KANSL2: variants seen among roughly 807,000 people sequenced by gnomAD.
KANSL2 encodes the protein NSL complex protein NSL2.
In KANSL2, 34 loss-of-function variants were observed where a neutral mutation model predicts 55.6. The ratio of observed to expected loss-of-function variants is 0.61; its 90% CI spans 0.46 to 0.81. The LOEUF (loss-of-function observed/expected upper bound fraction) is 0.81. KANSL2 is among the 40% of genes least tolerant of loss of function. The pLI is 0.00. For missense variants in KANSL2, 502 were observed against 609.9 expected, an observed-to-expected ratio of 0.82 and a Z score of 1.86; for synonymous variants, 209 against 214.3, an observed-to-expected ratio of 0.98 and a Z score of 0.22.
At chr12:48,654,597 G>A (rs1250843727) in intron 9 of KANSL2, 12 of 563,698 alleles carry the variant, frequency 2.1e-5, no homozygotes, top group African/African-American at 2.0e-4. Context: ...AACAATTTCA[G>A]TGATGAACTC....
intron 2 of KANSL2, chr12:48,681,118 TAAAA>T (rs1057233108): frequency 1.3e-3 from 174 of 131,224 alleles, no homozygotes; most frequent in South Asian, 4.0e-3. Context: ...CCATCTCTCT[TAAAA>T]AAAAAAAAAA....
At chr12:48,678,898 C>T (rs1939871588) in intron 4 of KANSL2, 138 bp downstream of exon 4, 6 of 582,638 alleles carry the variant, frequency 1.0e-5, no homozygotes, top group Non-Finnish European at 1.5e-5. Context: ...AACCATGCCA[C>T]TTTTATATAC....
Position 48,662,678 on chromosome 12 carries a change from G to T in KANSL2, c.974-2059C>A, listed in dbSNP as rs1349471773. On this transcript the variant is annotated intron_variant, in intron 7 of 9. Coordinates refer to ENST00000420613, the MANE Select transcript of KANSL2 (RefSeq NM_017822.4). ...CTCTGGGATAAGGACTTAAGGAAGG[G>T]TAAGTGACTTAGGCAACTATGGAGT... The T allele has an allele frequency of 2.3e-6, 3 of 1,282,200 alleles. No individual in the cohort carries two copies. In the African/African-American group the frequency reaches 4.6e-5, roughly 20 times the overall value. 79.4% of individuals were successfully genotyped at this position (1,282,200 alleles called of 1,614,324 possible). A position where few individuals can be genotyped will look rare whatever the true frequency, so the allele number is the denominator to read the frequency against.
In KANSL2 at chr12:48,679,828, G is replaced by T; in HGVS notation, c.257C>A (p.Ser86Tyr). The T allele has an allele frequency of 6.3e-7, 1 of 1,599,766 alleles. No homozygotes were observed. Among genetic ancestry groups the T allele is most frequent in the Non-Finnish European group, 8.5e-7 (1 of 1,172,822 alleles). The change falls in exon 3 of 10, where the codon TCC (serine) becomes TAC (tyrosine). Residue 86 changes from serine to tyrosine, a missense_variant. Coordinates refer to ENST00000420613, the MANE Select transcript of KANSL2 (RefSeq NM_017822.4). ...CCTACGGACATGTTCAGCACAGAAGGACACCCTGAAGAGACAAAACATTAA... is the reference window on the plus strand; with the variant it reads ...CCTACGGACATGTTCAGCACAGAAGTACACCCTGAAGAGACAAAACATTAA... Reference protein sequence around the residue: ...APKPEKKDGVSFCAEHVRRNA... With the variant: ...APKPEKKDGVYFCAEHVRRNA...
chr12:48,657,919 T>C (rs953311181), intron 8 of KANSL2, among the ~76,000 whole-genome samples: 8 of 151,872 alleles, frequency 5.3e-5, no homozygotes, highest in Non-Finnish European at 1.2e-4. Flanking sequence ...ACCCGGCCCA[T>C]GTGCAATTCT....
At chr12:48,669,324 C>T (rs946679635) in intron 5 of KANSL2, 52 bp from the exon 6 acceptor site, 14 of 1,399,306 alleles carry the variant, frequency 1.0e-5, no homozygotes, top group East Asian at 2.6e-5. Flanking sequence ...ATCAAGGTTA[C>T]GTCTCCAAGT....
In KANSL2 at chr12:48,654,055, A is replaced by T. The variant is rs1939330206; in HGVS notation, c.1468T>A (p.Ser490Thr). 28 of 1,589,732 alleles carry T rather than the reference A, an allele frequency of 1.8e-5. No individual in the cohort carries two copies. Among genetic ancestry groups the T allele is most frequent in the Non-Finnish European group, 2.4e-5 (28 of 1,172,362 alleles). ...GGTTCCCCAAACTATCAACTAATAG[A>T]AGTGGGTTCTGGCTTCCCATTTGCA... Reference protein sequence around the residue: ...ATANGKPEPTSIS With the variant: ...ATANGKPEPTTIS The change falls in exon 10 of 10, where the codon TCT (serine) becomes ACT (threonine). Residue 490 changes from serine (S) to threonine (T), a missense_variant. Coordinates refer to ENST00000420613, the MANE Select transcript of KANSL2 (RefSeq NM_017822.4).
At chr12:48,660,786 CAAAAT>C (rs1017377474) in intron 7 of KANSL2, among the ~76,000 whole-genome samples, 167 bp from the exon 8 acceptor site, 2 of 152,160 alleles carry the variant, frequency 1.3e-5, no homozygotes, top group African/African-American at 4.8e-5. Context: ...AGTTACTTCT[CAAAAT>C]AAATGTCATT....
chr12:48,654,251 G>T, intron 9 of KANSL2, 76 bp from the exon 10 acceptor site: 1 of 1,428,724 alleles, frequency 7.0e-7, no homozygotes, highest in Non-Finnish European at 9.7e-7. Context: ...ACTTATCAGT[G>T]GCCACTTAAA....
intron 9 of KANSL2, among the ~76,000 whole-genome samples, chr12:48,654,688 A>G (rs1428637653): frequency 6.6e-6 from 1 of 152,232 alleles, no homozygotes; most frequent in African/African-American, 2.4e-5. Flanking sequence ...CTGGGATATG[A>G]GGATCACGGG....
chr12:48,678,456 T>A (rs543217177), intron 4 of KANSL2, among the ~76,000 whole-genome samples: 12 of 150,460 alleles, frequency 8.0e-5, no homozygotes, highest in South Asian at 2.1e-4. Flanking sequence ...TTCTTCTTTT[T>A]AAAAAAAAAA....
At chr12:48,665,670 C>T (rs971082252) in intron 7 of KANSL2, among the ~76,000 whole-genome samples, 5 of 152,182 alleles carry the variant, frequency 3.3e-5, no homozygotes, top group Admixed American at 6.5e-5. Flanking sequence ...GCTTTTACTG[C>T]GAAATTTTTC....
intron 7 of KANSL2, chr12:48,661,111 A>T: frequency 8.4e-6 from 3 of 356,800 alleles, no homozygotes; most frequent in Non-Finnish European, 1.2e-5. Flanking sequence ...AAATTCATTT[A>T]AAGCACCACT....
At chr12:48,673,732 G>C (rs989821828) in intron 4 of KANSL2, among the ~76,000 whole-genome samples, 2 of 152,058 alleles carry the variant, frequency 1.3e-5, no homozygotes, top group East Asian at 1.9e-4. Flanking sequence ...CAGATTGCTT[G>C]AGCCTGGGAG....
intron 7 of KANSL2, among the ~76,000 whole-genome samples, chr12:48,665,189 A>T (rs1939571438): frequency 6.6e-6 from 1 of 152,226 alleles, no homozygotes; most frequent in Non-Finnish European, 1.5e-5. Context: ...TTAATAAATT[A>T]GTAAAATATT....
intron 1 of KANSL2, 57 bp from the exon 2 acceptor site, chr12:48,681,698 C>T: frequency 6.2e-7 from 1 of 1,608,470 alleles, no homozygotes; most frequent in Non-Finnish European, 8.5e-7. Flanking sequence ...ATTCCTGCTC[C>T]ACACAGATCG....
chr12:48,675,349 T>G (rs1049371335), intron 4 of KANSL2, among the ~76,000 whole-genome samples: 1 of 152,166 alleles, frequency 6.6e-6, no homozygotes, highest in Non-Finnish European at 1.5e-5. Context: ...AAGGTTGCAG[T>G]GAGCTGAGAT....
chr12:48,656,006 G>A (rs1314833506), intron 8 of KANSL2, among the ~76,000 whole-genome samples: 3 of 152,132 alleles, frequency 2.0e-5, no homozygotes, highest in African/African-American at 7.2e-5. Context: ...TATTCTCTGA[G>A]GCTACCTGTA....
chr12:48,660,381 A>C lies in KANSL2; in HGVS notation c.1212T>G (p.Pro404=), dbSNP rs1311584240. The C allele has an allele frequency of 6.2e-7, 1 of 1,613,722 alleles. No homozygotes were observed. The highest frequency in any genetic ancestry group is 2.2e-5 in the East Asian group (1 of 44,896). The change falls in exon 8 of 10, where the codon CCT becomes CCG. Residue 404 remains proline (P), a synonymous_variant. Transcript: ENST00000420613. ...TCTAACTTACATCACTGAACTCCAG[A>C]GGTAAACTCTCAGTGGGCTGAAGCT... ...AAELQPTESL[P]LEFSDDLDVV... is the part of the protein sequence containing the mutation.
Sources: allele counts gnomAD v4.1 joint callset (sites outside exome capture counted in the v4.1 genomes callset), GRCh38; gene constraint gnomAD v4.1.1; transcripts MANE v1.5; gene names NCBI Gene and HGNC (gene_info 2026-07-23, HGNC 2026-07-21).